The following OR4D1 variants were observed in gnomAD, a reference collection of about 807,000 sequenced individuals.
The protein encoded by OR4D1 is olfactory receptor 4D1.
Under a neutral mutation model 14.2 loss-of-function variants are expected in OR4D1, and 10 were observed. The observed-to-expected ratio is 0.71, with a 90% CI of 0.44 to 1.20. OR4D1 has a LOEUF of 1.20. Among genes scored for constraint, OR4D1 ranks in the 50% most tolerant of loss-of-function variants. The pLI is 0.00. For missense variants in OR4D1, 345 were observed against 376.6 expected (o/e 0.92, Z 0.70); for synonymous variants, 141 against 147.4 (o/e 0.96, Z 0.32).
chr17:58,155,925 T>A lies in OR4D1; in HGVS notation c.772T>A (p.Tyr258Asn), dbSNP rs1276149561. The A allele has an allele frequency of 1.2e-6, 2 of 1,614,118 alleles. No homozygotes were observed. Among genetic ancestry groups the A allele is most frequent in the Admixed American group, 3.3e-5 (2 of 60,026 alleles). Residue 258 changes from tyrosine to asparagine, a missense_variant, in exon 4 of 4, where the codon TAT becomes AAT. Physicochemically the swap from Tyr to Asn is moderately radical, Grantham distance 143. Coordinates refer to ENST00000268912, the MANE Select transcript of OR4D1 (RefSeq NM_001386095.1). ...GATCTTCATTCCCTGTATCTATATC[T>A]ATACCTGGCCCTTCACCCCATTCCT... ...SMIFIPCIYI[Y>N]TWPFTPFLMD...
rs1310374340 is a variant in OR4D1, at chr17:58,156,878, C to G, written c.*792C>G. On this transcript the variant is annotated 3_prime_UTR_variant, in exon 4 of 4. Transcript: ENST00000268912. ...TGGGACAGTTACATTCTTTTCTGCT[C>G]CCCACCTCCCTGCCTCATTCCCCAC... 1 of 522,796 alleles carries G rather than the reference C, an allele frequency of 1.9e-6. No individual in the cohort carries two copies. Among genetic ancestry groups the G allele is most frequent in the Non-Finnish European group, 3.5e-6 (1 of 284,762 alleles). 32.4% of individuals were successfully genotyped at this position (522,796 alleles called of 1,614,324 possible).
At chr17:58,151,733 A>G (rs973428504) in intron 2 of OR4D1, among the ~76,000 whole-genome samples, 2 of 152,230 alleles carry the variant, frequency 1.3e-5, no homozygotes, top group African/African-American at 4.8e-5. Flanking sequence ...CTTAACTAGT[A>G]TTTCATCCCA....
rs1456054641 is a variant in OR4D1 at position 58,157,073 on chromosome 17, T to A, written c.*987T>A. The A allele has an allele frequency of 5.6e-6, 8 of 1,435,344 alleles. No individual in the cohort carries two copies. The highest frequency in any genetic ancestry group is 2.2e-5 in the Admixed American group (1 of 45,478). The allele number at this position is 1,435,344 out of a possible 1,614,324, so 88.9% of individuals were successfully genotyped here. A position where few individuals can be genotyped will look rare whatever the true frequency, so the allele number is the denominator to read the frequency against. ...GGCCAGCGGTGGCGGTCGGGCCAGG[T>A]CCGGGGCCTGGGGACGCCGAGGCGG... On this transcript the variant is annotated 3_prime_UTR_variant, in exon 4 of 4. Transcript: ENST00000268912.
Position 58,157,674 on chromosome 17 carries a change from C to G in OR4D1, c.*1588C>G. Reference sequence around the variant, plus strand: ...CCCTCCAGCTTCAGTCTCCCTTTCCCCATCAGCTCGCCCCTGCAGGCAGCG... The same window carrying G: ...CCCTCCAGCTTCAGTCTCCCTTTCCGCATCAGCTCGCCCCTGCAGGCAGCG... On this transcript the variant is annotated 3_prime_UTR_variant, in exon 4 of 4. Coordinates refer to ENST00000268912, the MANE Select transcript of OR4D1 (RefSeq NM_001386095.1). The G allele has an allele frequency of 6.2e-7, 1 of 1,613,936 alleles. No homozygotes were observed. Among genetic ancestry groups the G allele is most frequent in the Non-Finnish European group, 8.5e-7 (1 of 1,179,846 alleles).
intron 2 of OR4D1, among the ~76,000 whole-genome samples, chr17:58,151,481 C>T (rs772208205): frequency 6.6e-6 from 1 of 152,044 alleles, no homozygotes; most frequent in African/African-American, 2.4e-5. Flanking sequence ...GTGTTCTCAT[C>T]GTTCAGCTCC....
chr17:58,149,077 G>A (rs952962060), intron 1 of OR4D1, among the ~76,000 whole-genome samples: 14 of 152,022 alleles, frequency 9.2e-5, no homozygotes, highest in East Asian at 1.9e-4. Flanking sequence ...TTCTCCCCTC[G>A]TCTCTCCTAG....
Position 58,157,115 on chromosome 17 carries a change from C to T in OR4D1, c.*1029C>T. 6.8e-7 allele frequency: 1 copy of T among 1,472,016 alleles called. No homozygotes were observed. 91.2% of individuals were successfully genotyped at this position (1,472,016 alleles called of 1,614,324 possible). On this transcript the variant is annotated 3_prime_UTR_variant, in exon 4 of 4. Transcript: ENST00000268912. ...CCGAGGCGGCCGCGGAGGAGCGCCG[C>T]GTCAAGGTCTCCAGCCTGCCCTACA...
At position 58,155,745 on chromosome 17, in the gene OR4D1, C is replaced by T. The variant is rs997736949; in HGVS notation, c.592C>T (p.Leu198Phe). The T allele has an allele frequency of 3.1e-6, 5 of 1,613,806 alleles. No individual in the cohort carries two copies. In the African/African-American group the frequency reaches 4.0e-5, roughly 13 times the overall value. The change falls in exon 4 of 4, where the codon CTC becomes TTC. Residue 198 changes from leucine to phenylalanine, a missense_variant. By Grantham distance (22) the Leu-to-Phe change is conservative. Transcript: ENST00000268912. ...ACTDTSLLEF[L>F]MISNSGLLVI... ...CACTGATACCTCCCTCCTGGAGTTC[C>T]TCATGATCTCCAACAGTGGGCTGCT...
chr17:58,157,366 T>A lies in OR4D1; in HGVS notation c.*1280T>A, dbSNP rs72839961. 112,385 of 1,380,202 alleles carry A rather than the reference T, an allele frequency of 0.081. 5,247 individuals are homozygous for A. The highest frequency in any genetic ancestry group is 0.13 in the Middle Eastern group (705 of 5,410). The allele number at this position is 1,380,202 out of a possible 1,614,324, so 85.5% of individuals were successfully genotyped here. ...GTGGATGCAGGAACCCTGCTGATAA[T>A]TCGCCGCCGCCAAGACACGTGAGCC... is the stretch of plus-strand genomic sequence containing the variant. On this transcript the variant is annotated 3_prime_UTR_variant, in exon 4 of 4. Coordinates refer to ENST00000268912, the MANE Select transcript of OR4D1 (RefSeq NM_001386095.1).
chr17:58,150,178 T>C (rs570775743), intron 2 of OR4D1, among the ~76,000 whole-genome samples: 3 of 152,016 alleles, frequency 2.0e-5, no homozygotes, highest in South Asian at 4.2e-4. Context: ...CAGATGGACC[T>C]GGAAAGAAAG....
At chr17:58,152,133 A>G in intron 2 of OR4D1, among the ~76,000 whole-genome samples, 1 of 152,294 alleles carries the variant, frequency 6.6e-6, no homozygotes, top group Non-Finnish European at 1.5e-5. Flanking sequence ...TTGAATTATT[A>G]TTATATTATT....
In OR4D1 at chr17:58,149,464, C is replaced by T. The variant is rs917819955; in HGVS notation, c.-459C>T. 2 of 152,544 alleles carry T rather than the reference C, an allele frequency of 1.3e-5. No individual in the cohort carries two copies. The highest frequency in any genetic ancestry group is 1.3e-4 in the Admixed American group (2 of 15,304). 9.4% of individuals were successfully genotyped at this position (152,544 alleles called of 1,614,324 possible). A position where few individuals can be genotyped will look rare whatever the true frequency, so the allele number is the denominator to read the frequency against. On this transcript the variant is annotated 5_prime_UTR_variant, in exon 2 of 4. Coordinates refer to ENST00000268912, the MANE Select transcript of OR4D1 (RefSeq NM_001386095.1). ...AGTCTGGCCCATCCCAGCACCCTGT[C>T]CTCCATTAAGCAATCACACATTCTT...
Position 58,155,517 on chromosome 17 carries a change from C to T in OR4D1, c.364C>T (p.Arg122Cys), listed in dbSNP as rs367643540. ...VFFLSVMAYD[R>C]YIAISQPLRY... ...TTTTCTCTCAGTCATGGCCTATGAC[C>T]GCTACATAGCCATCTCCCAGCCCCT... is the stretch of plus-strand genomic sequence containing the variant. The change falls in exon 4 of 4, where the codon CGC becomes TGC. Residue 122 changes from arginine (R) to cysteine (C), a missense_variant. Coordinates refer to ENST00000268912, the MANE Select transcript of OR4D1 (RefSeq NM_001386095.1). 144 of 1,614,004 alleles carry T rather than the reference C, an allele frequency of 8.9e-5. No individual in the cohort carries two copies. Among genetic ancestry groups the T allele is most frequent in the Middle Eastern group, 1.6e-4 (1 of 6,084 alleles).
Position 58,156,484 on chromosome 17 carries a change from G to C in OR4D1, c.*398G>C. 1 of 178,232 alleles carries C rather than the reference G, an allele frequency of 5.6e-6. No individual in the cohort carries two copies. Among genetic ancestry groups the C allele is most frequent in the Non-Finnish European group, 1.2e-5 (1 of 83,998 alleles). The allele number at this position is 178,232 out of a possible 1,614,324, so 11.0% of individuals were successfully genotyped here. Reference sequence around the variant, plus strand: ...AGGCTGGTCTCGAACTCCTGACCTAGGTGATCCACCCGCCTTGGCCTCCCA... The same window carrying C: ...AGGCTGGTCTCGAACTCCTGACCTACGTGATCCACCCGCCTTGGCCTCCCA... On this transcript the variant is annotated 3_prime_UTR_variant, in exon 4 of 4. Transcript: ENST00000268912.
Position 58,155,368 on chromosome 17 carries a change from G to C in OR4D1, c.215G>C (p.Cys72Ser), listed in dbSNP as rs749818428. The change falls in exon 4 of 4, where the codon TGC becomes TCC. Residue 72 changes from cysteine (C) to serine (S), a missense_variant. Physicochemically the swap from Cys to Ser is moderately radical, Grantham distance 112. Coordinates refer to ENST00000268912, the MANE Select transcript of OR4D1 (RefSeq NM_001386095.1). ...CGAAATCTAGCTCTCATAGACCTCT[G>C]CTATTCCACAGTCACCTCTCCAAAG... ...LLRNLALIDL[C>S]YSTVTSPKML... 6.2e-7 allele frequency: 1 copy of C among 1,614,100 alleles called. No homozygotes were observed. Among genetic ancestry groups the C allele is most frequent in the Non-Finnish European group, 8.5e-7 (1 of 1,179,988 alleles).
At chr17:58,154,521 A>G (rs1471555875) in intron 3 of OR4D1, among the ~76,000 whole-genome samples, 1 of 152,158 alleles carries the variant, frequency 6.6e-6, no homozygotes. Context: ...AACATTTGAG[A>G]AACACTAATC....
Position 58,159,181 on chromosome 17 carries a change from G to C in OR4D1, c.*3095G>C, listed in dbSNP as rs1466588783. 3 of 152,098 alleles carry C rather than the reference G, an allele frequency of 2.0e-5. No individual in the cohort carries two copies. The highest frequency in any genetic ancestry group is 7.2e-5 in the African/African-American group (3 of 41,418). The allele number at this position is 152,098 out of a possible 1,614,324, so 9.4% of individuals were successfully genotyped here. Reference sequence around the variant, plus strand: ...CAAAAGGCATTTGCCCTTTGTTTTTGTTCCATCTTTACTAAATACTCTTTG... The same window carrying C: ...CAAAAGGCATTTGCCCTTTGTTTTTCTTCCATCTTTACTAAATACTCTTTG... On this transcript the variant is annotated 3_prime_UTR_variant, in exon 4 of 4. Transcript: ENST00000268912.
At chr17:58,152,872 T>A (rs530555250) in intron 2 of OR4D1, among the ~76,000 whole-genome samples, 131 of 152,126 alleles carry the variant, frequency 8.6e-4, no homozygotes, top group African/African-American at 3.1e-3. Flanking sequence ...CTCCTGGAGG[T>A]TGTAGTGAAC....
rs181441099 is a variant in OR4D1, at chr17:58,156,862, T to C, written c.*776T>C. The C allele has an allele frequency of 1.7e-4, 82 of 473,158 alleles. No homozygotes were observed. Among genetic ancestry groups the C allele is most frequent in the Non-Finnish European group, 2.8e-4 (72 of 256,260 alleles). 29.3% of individuals were successfully genotyped at this position (473,158 alleles called of 1,614,324 possible). A position where few individuals can be genotyped will look rare whatever the true frequency, so the allele number is the denominator to read the frequency against. On this transcript the variant is annotated 3_prime_UTR_variant, in exon 4 of 4. Coordinates refer to ENST00000268912, the MANE Select transcript of OR4D1 (RefSeq NM_001386095.1). ...TGCTTCATCTTAACTCTGGGACAGT[T>C]ACATTCTTTTCTGCTCCCCACCTCC...
Sources: gnomAD v4.1 joint callset for allele counts (sites outside exome capture counted in the v4.1 genomes callset) on GRCh38, gnomAD v4.1.1 for gene constraint, MANE v1.5 for transcripts, NCBI Gene and HGNC (gene_info 2026-07-23, HGNC 2026-07-21) for gene names.